Variants in PCYT1A observed in about 807,000 individuals in gnomAD.
PCYT1A encodes phosphate cytidylyltransferase 1A, choline, also known as choline-phosphate cytidylyltransferase A.
PCYT1A carries 25 observed loss-of-function variants against 43.7 expected under a neutral mutation model. The ratio of observed to expected loss-of-function variants is 0.57; its 90% CI spans 0.42 to 0.80. The LOEUF is 0.80. PCYT1A is among the 30% of genes least tolerant of loss of function. PCYT1A has a pLI of 0.00. For missense variants in PCYT1A, 421 were observed against 474.2 expected (o/e 0.89, Z 1.04); for synonymous variants, 172 against 170.7 (o/e 1.01, Z -0.06).
At chr3:196,286,488 T>C (rs765091133) in intron 1 of PCYT1A, among the ~76,000 whole-genome samples, 1 of 152,224 alleles carries the variant, frequency 6.6e-6, no homozygotes. Context: ...TTCTTACACT[T>C]TGAGATGTAC....
intron 5 of PCYT1A, among the ~76,000 whole-genome samples, chr3:196,244,462 G>A (rs532993337): frequency 6.2e-5 from 7 of 112,772 alleles, no homozygotes; most frequent in Admixed American, 2.5e-4. Flanking sequence ...GCCGCGACCC[G>A]GTCTGGGAAG....
At chr3:196,253,287 A>G (rs1053801249) in intron 3 of PCYT1A, among the ~76,000 whole-genome samples, 2 of 147,294 alleles carry the variant, frequency 1.4e-5, no homozygotes, top group African/African-American at 5.0e-5. Flanking sequence ...CAGTGAGCTG[A>G]GATCGCGCCA....
At chr3:196,287,549 A>G in intron 1 of PCYT1A, 66 bp downstream of exon 1, 1 of 152,704 alleles carries the variant, frequency 6.5e-6, no homozygotes, top group East Asian at 1.9e-4. Flanking sequence ...CCTCAGTCAC[A>G]GTCACCTCGC....
At chr3:196,258,739 T>G (rs1725022938) in intron 2 of PCYT1A, among the ~76,000 whole-genome samples, 1 of 151,194 alleles carries the variant, frequency 6.6e-6, no homozygotes, top group Non-Finnish European at 1.5e-5. Flanking sequence ...AGGCATACAC[T>G]ACCCGACACC....
Position 196,247,521 on chromosome 3 carries a change from G to A in PCYT1A, c.335-3C>T, listed in dbSNP as rs1306553096. 1 of 1,613,922 alleles carries A rather than the reference G, an allele frequency of 6.2e-7. No homozygotes were observed. Among genetic ancestry groups the A allele is most frequent in the Admixed American group, 1.7e-5 (1 of 60,006 alleles). On this transcript the variant is annotated splice_region_variant and splice_polypyrimidine_tract_variant and intron_variant, in intron 4 of 8. Transcript: ENST00000431016. The surrounding 1 kb of genome is among the most constrained non-coding windows in gnomAD (Gnocchi z 4.8). ...GTGTGTGAGCTCATCACTGCAAACTGGTTCACCACATCATAAATTGTGTGT... is the reference window on the plus strand; with the variant it reads ...GTGTGTGAGCTCATCACTGCAAACTAGTTCACCACATCATAAATTGTGTGT...
At chr3:196,251,083 G>C (rs1195955650) in intron 3 of PCYT1A, among the ~76,000 whole-genome samples, 1 of 150,778 alleles carries the variant, frequency 6.6e-6, no homozygotes, top group African/African-American at 2.5e-5. Flanking sequence ...TGAGGCTGAG[G>C]ACCAGATACA....
chr3:196,238,563 T>C lies in PCYT1A; in HGVS notation c.*125A>G. 1 of 655,534 alleles carries C rather than the reference T, an allele frequency of 1.5e-6. No homozygotes were observed. The highest frequency in any genetic ancestry group is 3.1e-5 in the East Asian group (1 of 32,776). The allele number at this position is 655,534 out of a possible 1,614,324, so 40.6% of individuals were successfully genotyped here. On this transcript the variant is annotated 3_prime_UTR_variant, in exon 9 of 9. Coordinates refer to ENST00000431016, the MANE Select transcript of PCYT1A (RefSeq NM_001312673.2). ...GGTTCCCCCAGTCCTAGGTCTTCTTTCCCCAGTTGTCTTTCCTTTGTAGCT... is the reference window on the plus strand; with the variant it reads ...GGTTCCCCCAGTCCTAGGTCTTCTTCCCCCAGTTGTCTTTCCTTTGTAGCT...
chr3:196,275,994 G>A (rs1398180127), intron 1 of PCYT1A, among the ~76,000 whole-genome samples: 1 of 151,744 alleles, frequency 6.6e-6, no homozygotes, highest in Non-Finnish European at 1.5e-5. Flanking sequence ...CTGCTGGGGA[G>A]GCTGAGGCAG....
At chr3:196,246,810 G>T (rs556640547) in intron 5 of PCYT1A, among the ~76,000 whole-genome samples, 2 of 152,346 alleles carry the variant, frequency 1.3e-5, no homozygotes, top group Admixed American at 1.3e-4. Context: ...TGGGGGGAAG[G>T]TCTCGTAACT....
At chr3:196,263,061 G>A (rs780464592) in intron 2 of PCYT1A, among the ~76,000 whole-genome samples, 6 of 151,990 alleles carry the variant, frequency 3.9e-5, no homozygotes, top group Admixed American at 1.3e-4. Context: ...CCAAAGTGCT[G>A]GGATTACAGG....
At chr3:196,265,293 C>T (rs1351506688) in intron 2 of PCYT1A, among the ~76,000 whole-genome samples, 2 of 151,942 alleles carry the variant, frequency 1.3e-5, no homozygotes, top group African/African-American at 4.8e-5. Context: ...GTCTCAAACT[C>T]CTGACCTCGT....
rs1194638262 is a variant in PCYT1A at position 196,279,596 on chromosome 3, C to T, written c.-11+8019G>A. ...AGTACACACTGCTTGCCTTGTTCCT[C>T]CACGTTCCAACACATGCCTGCTGAG... On this transcript the variant is annotated intron_variant, in intron 1 of 8. Coordinates refer to ENST00000431016, the MANE Select transcript of PCYT1A (RefSeq NM_001312673.2). Among the ~76,000 whole-genome samples, 3 of 152,146 alleles carry T rather than the reference C, an allele frequency of 2.0e-5. No individual in the cohort carries two copies. The East Asian group carries it at 5.8e-4, about 29-fold the overall frequency.
chr3:196,238,845 G>T lies in PCYT1A; in HGVS notation c.947C>A (p.Pro316Gln). The T allele has an allele frequency of 6.5e-7, 1 of 1,540,664 alleles. No individual in the cohort carries two copies. The highest frequency in any genetic ancestry group is 8.7e-7 in the Non-Finnish European group (1 of 1,143,892). ...AGGGCTGCTGCTGGGGCTCTGCTTC[G>T]GGCTGATGGCCTGCAGCATCCGGCC... ...GKGRMLQAIS[P>Q]KQSPSSSPTR... The change falls in exon 9 of 9, where the codon CCG becomes CAG. Residue 316 changes from proline (P) to glutamine (Q), a missense_variant. By Grantham distance (76) the Pro-to-Gln change is moderately conservative. Coordinates refer to ENST00000431016, the MANE Select transcript of PCYT1A (RefSeq NM_001312673.2).
intron 3 of PCYT1A, among the ~76,000 whole-genome samples, chr3:196,249,346 G>T (rs1236349195): frequency 8.6e-4 from 102 of 118,192 alleles, no homozygotes; most frequent in African/African-American, 3.0e-3. Flanking sequence ...AGACCATGTT[G>T]CCCAGGCTGG....
In PCYT1A at chr3:196,268,634, A is replaced by AAAT. The variant is rs2108777055; in HGVS notation, c.117+1778_117+1780dup. 6.6e-6 allele frequency among the ~76,000 whole-genome samples: 1 copy of AAAT among 152,120 alleles called. No homozygotes were observed. The highest frequency in any genetic ancestry group is 2.4e-5 in the African/African-American group (1 of 41,480). ...ACCCTTACTCTAAAAATAAAAATAA[A>AAAT]AATAAAAATAGTAAGCCAGGCATGG... On this transcript the variant is annotated intron_variant, in intron 2 of 8. Coordinates refer to ENST00000431016, the MANE Select transcript of PCYT1A (RefSeq NM_001312673.2). This position sits in a 1 kb window ranked among gnomAD's most constrained non-coding sequence, Gnocchi z 4.4.
In PCYT1A at chr3:196,244,578, C is replaced by A. The variant is rs578092039; in HGVS notation, c.487-1938G>T. 2.3e-4 allele frequency among the ~76,000 whole-genome samples: 35 copies of A among 152,348 alleles called. No homozygotes were observed. In the South Asian group the frequency reaches 3.7e-3, roughly 16 times the overall value. On this transcript the variant is annotated intron_variant, in intron 5 of 8. Coordinates refer to ENST00000431016, the MANE Select transcript of PCYT1A (RefSeq NM_001312673.2). ...GGAGCCCCTCTGCCCGGCCACCACC[C>A]CGTCTGGGAGGTGTACCCAACAGCT...
intron 3 of PCYT1A, among the ~76,000 whole-genome samples, chr3:196,254,895 T>A (rs1311423335): frequency 1.3e-5 from 2 of 152,156 alleles, no homozygotes; most frequent in African/African-American, 4.8e-5. Flanking sequence ...CTTCACACTC[T>A]CCCTTTTCCT....
rs1725794924 is a variant in PCYT1A, at chr3:196,282,416, G to A, written c.-11+5199C>T. Among the ~76,000 whole-genome samples the A allele has an allele frequency of 6.6e-6, 1 of 152,172 alleles. No individual in the cohort carries two copies. Among genetic ancestry groups the A allele is most frequent in the Non-Finnish European group, 1.5e-5 (1 of 68,040 alleles). On this transcript the variant is annotated intron_variant, in intron 1 of 8. Coordinates refer to ENST00000431016, the MANE Select transcript of PCYT1A (RefSeq NM_001312673.2). This position sits in a 1 kb window ranked among gnomAD's most constrained non-coding sequence, Gnocchi z 4.3. ...GGGTTATGGAACTCATATCTCTGAG[G>A]CAGGGTCTATGATAGAATTCAGGAA...
intron 5 of PCYT1A, among the ~76,000 whole-genome samples, chr3:196,243,610 T>C (rs1724438749): frequency 6.6e-6 from 1 of 151,832 alleles, no homozygotes; most frequent in Non-Finnish European, 1.5e-5. Flanking sequence ...ACTGCCGCCA[T>C]CTCTGCTCAC....
Sources: allele counts gnomAD v4.1 joint callset (sites outside exome capture counted in the v4.1 genomes callset), GRCh38; gene constraint gnomAD v4.1.1; non-coding constraint Gnocchi (gnomAD v3.1); transcripts MANE v1.5; gene names NCBI Gene and HGNC (gene_info 2026-07-23, HGNC 2026-07-21).